Variants in DYNC2H1 observed in about 807,000 individuals in gnomAD.
The protein encoded by DYNC2H1 is dynein cytoplasmic 2 heavy chain 1.
Under a neutral mutation model 570.0 loss-of-function variants are expected in DYNC2H1, and 410 were observed. That is an observed-to-expected ratio of 0.72 (90% CI 0.66 to 0.78). The LOEUF (loss-of-function observed/expected upper bound fraction) is 0.78. DYNC2H1 is among the 30% of genes least tolerant of loss of function. The pLI, the probability that DYNC2H1 is intolerant of heterozygous loss-of-function variation, is 0.00. For missense variants in DYNC2H1, 4,865 were observed against 5,046.4 expected, an observed-to-expected ratio of 0.96 and a Z score of 1.09; for synonymous variants, 1,688 against 1,677.6, an observed-to-expected ratio of 1.01 and a Z score of -0.15.
intron 17 of DYNC2H1, among the ~76,000 whole-genome samples, chr11:103,138,088 A>G (rs1859676983): frequency 6.6e-6 from 1 of 151,380 alleles, no homozygotes; most frequent in Non-Finnish European, 1.5e-5. Context: ...GTATCCTGAG[A>G]CTTTGCTGAA....
At chr11:103,478,149 C>T (rs1279261451) in intron 88 of DYNC2H1, among the ~76,000 whole-genome samples, 1 of 152,084 alleles carries the variant, frequency 6.6e-6, no homozygotes, top group Non-Finnish European at 1.5e-5. Context: ...TTAAACCCAC[C>T]AGTTCATAAT....
In DYNC2H1 at chr11:103,177,510, G is replaced by A; in HGVS notation, c.5875-46G>A. 3 of 1,554,044 alleles carry A rather than the reference G, an allele frequency of 1.9e-6. No homozygotes were observed. The highest frequency in any genetic ancestry group is 2.6e-6 in the Non-Finnish European group (3 of 1,152,762). On this transcript the variant is annotated intron_variant, in intron 37 of 88. Coordinates refer to ENST00000375735, the MANE Select transcript of DYNC2H1 (RefSeq NM_001377.3). This position sits in a 1 kb window ranked among gnomAD's most constrained non-coding sequence, Gnocchi z 4.4. ...ACAGAATAAAAGCAGAACTAAGTAT[G>A]ATTGAATATTATAAATCATATATGA...
At chr11:103,178,399 C>G (rs1290264044) in intron 38 of DYNC2H1, among the ~76,000 whole-genome samples, 1 of 151,952 alleles carries the variant, frequency 6.6e-6, no homozygotes, top group Non-Finnish European at 1.5e-5. Context: ...TCAATGTAGT[C>G]TTTTCTTTTT....
chr11:103,153,244 A>G, intron 21 of DYNC2H1, 59 bp from the exon 22 acceptor site: 1 of 1,405,782 alleles, frequency 7.1e-7, no homozygotes, highest in Non-Finnish European at 9.5e-7. Context: ...AAAGAAAAGT[A>G]TGAACCCAAA....
Position 103,109,450 on chromosome 11 carries a change from G to T in DYNC2H1, c.-125G>T, listed in dbSNP as rs192650559. The T allele has an allele frequency of 8.1e-4, 775 of 955,020 alleles. No individual in the cohort carries two copies. Among genetic ancestry groups the T allele is most frequent in the Admixed American group, 1.5e-3 (52 of 34,674 alleles). The allele number at this position is 955,020 out of a possible 1,614,324, so 59.2% of individuals were successfully genotyped here. A position where few individuals can be genotyped will look rare whatever the true frequency, so the allele number is the denominator to read the frequency against. Reference sequence around the variant, plus strand: ...CATAGCGACTACCCCTGGCAACCGCGAAGCTCTGCGGTCCCGCGGTCGGGC... The same window carrying T: ...CATAGCGACTACCCCTGGCAACCGCTAAGCTCTGCGGTCCCGCGGTCGGGC... On this transcript the variant is annotated 5_prime_UTR_variant, in exon 1 of 89. Transcript: ENST00000375735.
chr11:103,139,681 T>G (rs1390294007), intron 17 of DYNC2H1, among the ~76,000 whole-genome samples: 1 of 151,802 alleles, frequency 6.6e-6, no homozygotes, highest in Non-Finnish European at 1.5e-5. Flanking sequence ...TTGAAAAAAA[T>G]GTATATTCTG....
At chr11:103,388,115 A>T (rs898848642) in intron 83 of DYNC2H1, among the ~76,000 whole-genome samples, 1 of 152,138 alleles carries the variant, frequency 6.6e-6, no homozygotes, top group African/African-American at 2.4e-5. Flanking sequence ...TTTCACGATA[A>T]TGATTCTTCC....
intron 87 of DYNC2H1, among the ~76,000 whole-genome samples, chr11:103,459,567 A>G (rs1340318343): frequency 3.3e-5 from 5 of 152,088 alleles, no homozygotes; most frequent in Non-Finnish European, 7.4e-5. Flanking sequence ...AGCATCGGCT[A>G]CAATGGTATA....
At chr11:103,130,547 C>T (rs865944814) in intron 13 of DYNC2H1, among the ~76,000 whole-genome samples, 70 of 152,074 alleles carry the variant, frequency 4.6e-4, no homozygotes, top group Admixed American at 1.1e-3. Flanking sequence ...AAAGAGATGT[C>T]GTATAATCAT....
chr11:103,328,094 T>C (rs949849680), intron 82 of DYNC2H1, among the ~76,000 whole-genome samples: 28 of 152,358 alleles, frequency 1.8e-4, no homozygotes, highest in African/African-American at 6.7e-4. Context: ...ATCCCAAATT[T>C]ATCGTAATAT....
Position 103,243,700 on chromosome 11 carries a change from T to A in DYNC2H1, c.9827T>A (p.Val3276Glu), listed in dbSNP as rs1380095320. Residue 3276 changes from valine (V) to glutamate (E), a missense_variant, in exon 64 of 89, where the codon GTG becomes GAG. By Grantham distance (121) the Val-to-Glu change is moderately radical. Transcript: ENST00000375735. This position sits in a 1 kb window ranked among gnomAD's most constrained non-coding sequence, Gnocchi z 4.8. ...TCCTTTTTTTTATACTAGAGTCGAG[T>A]GTGCCCATTTCTTATAGATCCTTCT... is the stretch of plus-strand genomic sequence containing the variant. ...ENALVILQSRVCPFLIDPSSQ... is the reference protein window; with the variant it reads ...ENALVILQSRECPFLIDPSSQ... 4 of 1,600,344 alleles carry A rather than the reference T, an allele frequency of 2.5e-6. No individual in the cohort carries two copies. The highest frequency in any genetic ancestry group is 3.4e-6 in the Non-Finnish European group (4 of 1,172,392).
intron 2 of DYNC2H1, among the ~76,000 whole-genome samples, 170 bp from the exon 3 acceptor site, chr11:103,113,933 A>G (rs1858242597): frequency 6.6e-6 from 1 of 152,228 alleles, no homozygotes; most frequent in Non-Finnish European, 1.5e-5. Context: ...ACATTTCTAC[A>G]TTAAATGCTT....
At chr11:103,318,034 C>G (rs1937956967) in intron 80 of DYNC2H1, among the ~76,000 whole-genome samples, 2 of 152,020 alleles carry the variant, frequency 1.3e-5, no homozygotes, top group African/African-American at 4.8e-5. Context: ...CAGTTAATAG[C>G]ATCAGAAATT....
At chr11:103,171,959 C>T (rs373618983) in intron 34 of DYNC2H1, among the ~76,000 whole-genome samples, 1 of 152,122 alleles carries the variant, frequency 6.6e-6, no homozygotes, top group Non-Finnish European at 1.5e-5. Context: ...ATTAATGTCA[C>T]TAGAATATAA....
intron 17 of DYNC2H1, among the ~76,000 whole-genome samples, chr11:103,139,440 C>T (rs1859770497): frequency 6.6e-6 from 1 of 152,038 alleles, no homozygotes; most frequent in Admixed American, 6.6e-5. Flanking sequence ...TTTCAAAGAA[C>T]ATCTTTATTT....
Position 103,135,813 on chromosome 11 carries a change from T to A in DYNC2H1, c.2439T>A (p.Phe813Leu). ...GATTCATCGGCATTCCAAATCAGTT[T>A]AAGGGAGTGGGTGAGGCAGGAGATG... is the stretch of plus-strand genomic sequence containing the variant. ...MKRFIGIPNQFKGVGEAGDES... is the reference protein window; with the variant it reads ...MKRFIGIPNQLKGVGEAGDES... The change falls in exon 17 of 89, where the codon TTT becomes TTA. Residue 813 changes from phenylalanine (F) to leucine (L), a missense_variant. Phe to Leu is a conservative substitution (Grantham distance 22). Transcript: ENST00000375735. 2 of 1,613,292 alleles carry A rather than the reference T, an allele frequency of 1.2e-6. No individual in the cohort carries two copies. Among genetic ancestry groups the A allele is most frequent in the Non-Finnish European group, 1.7e-6 (2 of 1,179,624 alleles).
intron 32 of DYNC2H1, 149 bp downstream of exon 32, chr11:103,169,109 G>A: frequency 4.0e-6 from 3 of 755,834 alleles, no homozygotes; most frequent in Non-Finnish European, 5.8e-6. Flanking sequence ...GAATTAGAAA[G>A]GTGTCACATA....
Position 103,307,832 on chromosome 11 carries a change from G to A in DYNC2H1, c.11493+1G>A. On this transcript the variant is annotated splice_donor_variant, in intron 78 of 88. Transcript: ENST00000375735. LOFTEE classifies it high-confidence loss of function. ...GTCAAGTCTGAAGATAACATATGAG[G>A]TAAGAAGATTTAAAACTTGGATCAC... 6.4e-7 allele frequency: 1 copy of A among 1,557,492 alleles called. No homozygotes were observed. The highest frequency in any genetic ancestry group is 8.8e-7 in the Non-Finnish European group (1 of 1,140,698).
rs1431930772 is a variant in DYNC2H1 at position 103,363,779 on chromosome 11, T to G, written c.12156+5420T>G. On this transcript the variant is annotated intron_variant, in intron 83 of 88. Coordinates refer to ENST00000375735, the MANE Select transcript of DYNC2H1 (RefSeq NM_001377.3). The surrounding 1 kb of genome is among the most constrained non-coding windows in gnomAD (Gnocchi z 5.6). ...ATCCAAAAGTGTTATTGTAGCTGAT[T>G]TAGTGTGCATTCTCTGCTGCTTTAT... 6.6e-6 allele frequency among the ~76,000 whole-genome samples: 1 copy of G among 152,196 alleles called. No homozygotes were observed. The highest frequency in any genetic ancestry group is 2.4e-5 in the African/African-American group (1 of 41,466).
Sources: allele counts gnomAD v4.1 joint callset (sites outside exome capture counted in the v4.1 genomes callset), GRCh38; gene constraint gnomAD v4.1.1; non-coding constraint Gnocchi (gnomAD v3.1); transcripts MANE v1.5; gene names NCBI Gene and HGNC (gene_info 2026-07-23, HGNC 2026-07-21).